Variants in EIF4G3 observed in about 807,000 individuals in gnomAD.
EIF4G3 encodes the protein eukaryotic translation initiation factor 4 gamma 3, also known as eIF-4-gamma 3.
In EIF4G3, 34 loss-of-function variants were observed where a neutral mutation model predicts 186.4. That is an observed-to-expected ratio of 0.18 (90% CI 0.14 to 0.24). The LOEUF (loss-of-function observed/expected upper bound fraction) is 0.24, where lower values mean the gene tolerates loss of function less well. Ranked by LOEUF, EIF4G3 falls within the 10% of genes least tolerant of loss-of-function variation. EIF4G3 has a pLI of 1.00. For synonymous variants in EIF4G3, 673 were observed against 679.5 expected, an observed-to-expected ratio of 0.99 and a Z score of 0.15; for missense variants, 1,536 against 1,948.5, an observed-to-expected ratio of 0.79 and a Z score of 3.99.
intron 15 of EIF4G3, among the ~76,000 whole-genome samples, chr1:20,901,190 AT>A (rs2090163651): frequency 6.6e-6 from 1 of 152,204 alleles, no homozygotes; most frequent in African/African-American, 2.4e-5. Context: ...TTCCAAAAAA[AT>A]AAGTTTGGAA....
In EIF4G3 at chr1:21,002,202, C is replaced by T. The variant is rs2083691724; in HGVS notation, c.30+511G>A. ...TACATTTGTATCACAATTTATTTCT[C>T]ATTTGAATAAATGAATACACTCACT... is the stretch of plus-strand genomic sequence containing the variant. On this transcript the variant is annotated intron_variant, in intron 5 of 36. Coordinates refer to ENST00000602326, the MANE Select transcript of EIF4G3 (RefSeq NM_001391906.1). 2.6e-5 allele frequency among the ~76,000 whole-genome samples: 4 copies of T among 152,320 alleles called. No homozygotes were observed. The South Asian group carries it at 6.2e-4, about 24-fold the overall frequency.
At chr1:20,811,242 C>T (rs1026850043) in intron 35 of EIF4G3, among the ~76,000 whole-genome samples, 2 of 152,198 alleles carry the variant, frequency 1.3e-5, no homozygotes, top group African/African-American at 4.8e-5. Context: ...GCATGAGCCA[C>T]TGCTCCTGGC....
chr1:20,819,514 A>G (rs2061804122), intron 33 of EIF4G3, among the ~76,000 whole-genome samples: 1 of 151,392 alleles, frequency 6.6e-6, no homozygotes, highest in African/African-American at 2.4e-5. Context: ...TTGCAGTGCA[A>G]TGGCACTATC....
chr1:20,942,281 A>G lies in EIF4G3; in HGVS notation c.873T>C (p.Leu291=). 1 of 1,610,432 alleles carries G rather than the reference A, an allele frequency of 6.2e-7. No individual in the cohort carries two copies. The highest frequency in any genetic ancestry group is 1.1e-5 in the South Asian group (1 of 90,346). The stretch of plus-strand genomic sequence containing the variant: ...TCTTCTCTCCACTGAGGACTAGCCT[A>G]AGGACTGGGGAAGGAGACTTTAACA... ...DPVLKSPSPV[L]RLVLSGEKKE... The change falls in exon 14 of 37, where the codon CTT becomes CTC. Residue 291 remains leucine (L), a synonymous_variant. Coordinates refer to ENST00000602326, the MANE Select transcript of EIF4G3 (RefSeq NM_001391906.1).
At chr1:20,950,197 A>G (rs2096145094) in intron 12 of EIF4G3, 86 bp from the exon 13 acceptor site, 2 of 889,232 alleles carry the variant, frequency 2.2e-6, no homozygotes, top group Admixed American at 3.3e-5. Flanking sequence ...TAGGGAAGAC[A>G]GTAGAGCACA....
At chr1:21,062,566 C>CAGATAT (rs528487268) in intron 3 of EIF4G3, among the ~76,000 whole-genome samples, 40 of 152,164 alleles carry the variant, frequency 2.6e-4, no homozygotes, top group African/African-American at 9.6e-4. Context: ...GATATATCCA[C>CAGATAT]AGATATAGAT....
At chr1:20,827,930 C>T (rs1412453180) in intron 31 of EIF4G3, among the ~76,000 whole-genome samples, 1 of 151,546 alleles carries the variant, frequency 6.6e-6, no homozygotes. Flanking sequence ...AGAAGCAACA[C>T]AAAGATCAGA....
At chr1:21,118,295 G>A (rs1572826556) in intron 2 of EIF4G3, among the ~76,000 whole-genome samples, 1 of 152,188 alleles carries the variant, frequency 6.6e-6, no homozygotes. Context: ...CCCTCAGGGT[G>A]TGGATCATAA....
At chr1:21,103,890 T>C in intron 2 of EIF4G3, among the ~76,000 whole-genome samples, 1 of 152,110 alleles carries the variant, frequency 6.6e-6, no homozygotes, top group East Asian at 1.9e-4. Flanking sequence ...CAAAATTCTG[T>C]GTTCGTATAG....
intron 14 of EIF4G3, among the ~76,000 whole-genome samples, chr1:20,921,366 A>G (rs1343056003): frequency 6.6e-6 from 1 of 152,240 alleles, no homozygotes; most frequent in African/African-American, 2.4e-5. Context: ...AAGAGAAAAG[A>G]AGTGGCTCAA....
intron 2 of EIF4G3, among the ~76,000 whole-genome samples, chr1:21,173,322 G>A (rs2098028179): frequency 6.6e-6 from 1 of 151,614 alleles, no homozygotes; most frequent in South Asian, 2.1e-4. Flanking sequence ...TTGGCCTCCT[G>A]AGTAGCTGAA....
intron 2 of EIF4G3, among the ~76,000 whole-genome samples, chr1:21,101,050 C>A (rs565096579): frequency 1.3e-5 from 2 of 152,208 alleles, no homozygotes; most frequent in East Asian, 3.9e-4. Flanking sequence ...CAGATGAAGA[C>A]TGTCAATATA....
At chr1:20,976,355 T>C (rs2076874796) in intron 10 of EIF4G3, among the ~76,000 whole-genome samples, 1 of 138,290 alleles carries the variant, frequency 7.2e-6, no homozygotes, top group Non-Finnish European at 1.5e-5. Flanking sequence ...GGCCCCAGTG[T>C]CACACAGAGG....
chr1:21,169,188 C>T (rs1244814014), intron 2 of EIF4G3, among the ~76,000 whole-genome samples: 2 of 151,744 alleles, frequency 1.3e-5, no homozygotes, highest in Non-Finnish European at 2.9e-5. Flanking sequence ...CGGTGGCTCA[C>T]ACCTGTAATC....
At position 20,980,419 on chromosome 1, in the gene EIF4G3, C is replaced by A. The variant is rs201963640; in HGVS notation, c.408G>T (p.Gly136=). 2 of 1,542,794 alleles carry A rather than the reference C, an allele frequency of 1.3e-6. No individual in the cohort carries two copies. Among genetic ancestry groups the A allele is most frequent in the South Asian group, 1.2e-5 (1 of 80,228 alleles). Residue 136 remains glycine (G), a synonymous_variant, in exon 10 of 37, where the codon GGG becomes GGT. Transcript: ENST00000602326. ...QYRHSGPPYV[G]PPQQYPVQPP... is the part of the protein sequence containing the mutation. ...GTTGAACTGGATATTGTTGGGGGGG[C>A]CCAACATAAGGAGGGCCACTATGAC...
intron 33 of EIF4G3, among the ~76,000 whole-genome samples, chr1:20,824,266 C>T (rs2063077036): frequency 6.6e-6 from 1 of 152,234 alleles, no homozygotes; most frequent in Admixed American, 6.5e-5. Flanking sequence ...TTCCAGACTA[C>T]AACCAAAAAG....
intron 14 of EIF4G3, among the ~76,000 whole-genome samples, chr1:20,920,173 T>C (rs1342419240): frequency 6.6e-6 from 1 of 152,236 alleles, no homozygotes; most frequent in Non-Finnish European, 1.5e-5. Context: ...CCCAAAGTGC[T>C]GGGATTACAG....
chr1:20,817,566 A>G, intron 33 of EIF4G3, 28 bp from the exon 34 acceptor site: 2 of 1,415,296 alleles, frequency 1.4e-6, no homozygotes, highest in Non-Finnish European at 9.4e-7. Context: ...GAACATATTA[A>G]TATATTAATA....
chr1:20,815,706 C>G lies in EIF4G3; in HGVS notation c.4515+1686G>C, dbSNP rs1330531439. ...GCCCCGTCCGGGAGGTGAGGGGATC[C>G]TCTGCCCGGCCGCCCCTACTGGGAA... On this transcript the variant is annotated intron_variant, in intron 34 of 36. Coordinates refer to ENST00000602326, the MANE Select transcript of EIF4G3 (RefSeq NM_001391906.1). 1.0e-3 allele frequency among the ~76,000 whole-genome samples: 143 copies of G among 137,900 alleles called. 1 individual carries two copies. The highest frequency in any genetic ancestry group is 1.9e-3 in the Non-Finnish European group (123 of 63,206). 90.5% of individuals were successfully genotyped at this position (137,900 alleles called of 152,430 possible).
Sources: allele counts gnomAD v4.1 joint callset (sites outside exome capture counted in the v4.1 genomes callset), GRCh38; gene constraint gnomAD v4.1.1; transcripts MANE v1.5; gene names NCBI Gene and HGNC (gene_info 2026-07-23, HGNC 2026-07-21).